Variants in GRM7 observed in about 807,000 individuals in gnomAD.
GRM7 encodes glutamate metabotropic receptor 7, also known as metabotropic glutamate receptor 7.
GRM7 carries 35 observed loss-of-function variants against 84.5 expected under a neutral mutation model. That is an observed-to-expected ratio of 0.41 (90% confidence interval 0.32 to 0.55). GRM7 has a LOEUF of 0.55. GRM7 is among the 20% of genes least tolerant of loss of function. The pLI, the probability that GRM7 is intolerant of heterozygous loss-of-function variation, is 0.19. For synonymous variants in GRM7, 487 were observed against 455.1 expected (o/e 1.07, Z -0.89); for missense variants, 1,003 against 1,194.6 (o/e 0.84, Z 2.36).
At chr3:7,620,662 T>C (rs1208302476) in intron 8 of GRM7, among the ~76,000 whole-genome samples, 5 of 152,192 alleles carry the variant, frequency 3.3e-5, no homozygotes, top group Non-Finnish European at 7.3e-5. Flanking sequence ...AAATGACTTT[T>C]ATATGCTGGT....
chr3:7,102,414 G>A (rs9861561), intron 1 of GRM7, among the ~76,000 whole-genome samples: 49,704 of 151,408 alleles, frequency 0.33, 10,604 homozygotes, highest in African/African-American at 0.61. Flanking sequence ...TTGTTCATTG[G>A]TATACACAGT....
intron 4 of GRM7, among the ~76,000 whole-genome samples, chr3:7,334,805 AAC>A: frequency 6.6e-6 from 1 of 152,286 alleles, no homozygotes; most frequent in African/African-American, 2.4e-5. Context: ...TTAAAGCAAC[AAC>A]AGTTAGATAA....
intron 2 of GRM7, among the ~76,000 whole-genome samples, chr3:7,246,288 C>T (rs974992481): frequency 6.6e-6 from 1 of 152,098 alleles, no homozygotes; most frequent in African/African-American, 2.4e-5. Flanking sequence ...TTGCATCTAC[C>T]TGGGAAGTAC....
At chr3:7,196,205 T>G (rs1398627948) in intron 2 of GRM7, among the ~76,000 whole-genome samples, 1 of 152,172 alleles carries the variant, frequency 6.6e-6, no homozygotes, top group Non-Finnish European at 1.5e-5. Context: ...GAATTCCCTT[T>G]TGCTCCAGAG....
Position 6,863,591 on chromosome 3 carries a change from G to T in GRM7, c.519+1684G>T, listed in dbSNP as rs904683105. ...GTGCTTCGGGGCTAGCCATCACTCT[G>T]AGTTCCTTGCTTTTGGGAAGAACCT... is the stretch of plus-strand genomic sequence containing the variant. On this transcript the variant is annotated intron_variant, in intron 1 of 9. Coordinates refer to ENST00000357716, the MANE Select transcript of GRM7 (RefSeq NM_000844.4). The surrounding 1 kb of genome is among the most constrained non-coding windows in gnomAD (Gnocchi z 4.8). 1.3e-5 allele frequency among the ~76,000 whole-genome samples: 2 copies of T among 152,158 alleles called. No homozygotes were observed. The highest frequency in any genetic ancestry group is 4.8e-5 in the African/African-American group (2 of 41,440).
chr3:7,358,056 G>A (rs1005386217), intron 4 of GRM7, among the ~76,000 whole-genome samples: 1 of 152,020 alleles, frequency 6.6e-6, no homozygotes, highest in African/African-American at 2.4e-5. Flanking sequence ...CTTTTCCTCC[G>A]TTGCTCCATT....
intron 4 of GRM7, among the ~76,000 whole-genome samples, chr3:7,406,870 G>C (rs1695704916): frequency 6.6e-6 from 1 of 152,164 alleles, no homozygotes. Context: ...GATATAGGTT[G>C]GCAAGTGCCA....
At chr3:7,120,778 C>A (rs771886002) in intron 1 of GRM7, among the ~76,000 whole-genome samples, 5 of 152,152 alleles carry the variant, frequency 3.3e-5, no homozygotes, top group Non-Finnish European at 5.9e-5. Context: ...CTTTCTGCCT[C>A]TCTGGAGACA....
chr3:6,960,794 T>G (rs1693267972), intron 1 of GRM7, among the ~76,000 whole-genome samples: 1 of 152,178 alleles, frequency 6.6e-6, no homozygotes. Flanking sequence ...TGCCTTTTTC[T>G]GCTCCTTCTA....
chr3:7,665,335 C>CTAAT (rs764356884), intron 8 of GRM7, among the ~76,000 whole-genome samples: 1 of 150,480 alleles, frequency 6.6e-6, no homozygotes, highest in Non-Finnish European at 1.5e-5. Flanking sequence ...CCGCACCCGG[C>CTAAT]TAATTTTTTT....
At chr3:7,618,079 A>T (rs1368761066) in intron 8 of GRM7, among the ~76,000 whole-genome samples, 1 of 152,124 alleles carries the variant, frequency 6.6e-6, no homozygotes, top group Non-Finnish European at 1.5e-5. Context: ...AAGAGCTAAC[A>T]AGGCTTAGCT....
chr3:7,468,776 T>TA (rs1417749504), intron 7 of GRM7, among the ~76,000 whole-genome samples: 3 of 147,312 alleles, frequency 2.0e-5, no homozygotes, highest in Non-Finnish European at 1.5e-5. Flanking sequence ...GATGCTTTTG[T>TA]AAGTGTCTGG....
chr3:7,723,459 G>A (rs764593711), intron 9 of GRM7, among the ~76,000 whole-genome samples: 8 of 152,112 alleles, frequency 5.3e-5, no homozygotes, highest in Non-Finnish European at 1.2e-4. Flanking sequence ...AGTGCAAACA[G>A]GAATGGACAG....
chr3:7,656,523 ATATAT>A (rs921613378), intron 8 of GRM7, among the ~76,000 whole-genome samples: 5 of 52,854 alleles, frequency 9.5e-5, no homozygotes, highest in African/African-American at 2.2e-4. Context: ...ATAAAAAAAA[ATATAT>A]ATATATATAT....
intron 2 of GRM7, among the ~76,000 whole-genome samples, chr3:7,186,527 C>T (rs1191459050): frequency 2.0e-5 from 3 of 152,122 alleles, no homozygotes; most frequent in Non-Finnish European, 4.4e-5. Context: ...ACGAATAAGG[C>T]CAGGGCATAA....
intron 2 of GRM7, among the ~76,000 whole-genome samples, chr3:7,293,219 A>G (rs1224744193): frequency 1.3e-5 from 2 of 152,120 alleles, no homozygotes; most frequent in East Asian, 1.9e-4. Flanking sequence ...AAAATAATTC[A>G]TAATCATTTG....
chr3:7,288,855 A>G (rs1699521066), intron 2 of GRM7, among the ~76,000 whole-genome samples: 1 of 152,272 alleles, frequency 6.6e-6, no homozygotes, highest in Admixed American at 6.5e-5. Context: ...TAGAAGTGTA[A>G]TGAAATAGCG....
rs199564727 is a variant in GRM7 at position 7,221,121 on chromosome 3, AAAAC to A, written c.736+74465_736+74468del. 9.9e-3 allele frequency among the ~76,000 whole-genome samples: 1,506 copies of A among 152,202 alleles called. 35 individuals carry two copies. Among genetic ancestry groups the A allele is most frequent in the African/African-American group, 0.034 (1,427 of 41,522 alleles). The stretch of plus-strand genomic sequence containing the variant: ...AAAGCAAAACAAAACAAAAGAAAAG[AAAAC>A]AAACAAACAAAAAAACACAAAAACC... On this transcript the variant is annotated intron_variant, in intron 2 of 9. Transcript: ENST00000357716.
intron 9 of GRM7, among the ~76,000 whole-genome samples, chr3:7,727,323 C>T (rs190852512): frequency 2.0e-5 from 3 of 152,160 alleles, no homozygotes. Flanking sequence ...TTTTCACATT[C>T]TTAATACATA....
Sources: allele counts gnomAD v4.1 joint callset (sites outside exome capture counted in the v4.1 genomes callset), GRCh38; gene constraint gnomAD v4.1.1; non-coding constraint Gnocchi (gnomAD v3.1); transcripts MANE v1.5; gene names NCBI Gene and HGNC (gene_info 2026-07-23, HGNC 2026-07-21).